ILDR2: variants seen among roughly 807,000 people sequenced by gnomAD.
ILDR2 encodes the protein immunoglobulin like domain containing receptor 2, also known as immunoglobulin-like domain-containing receptor 2.
A neutral mutation model predicts 66.8 loss-of-function variants in ILDR2; 25 were observed. The observed-to-expected ratio is 0.37, with a 90% CI of 0.27 to 0.52. The LOEUF (loss-of-function observed/expected upper bound fraction) is 0.52, where lower values mean the gene tolerates loss of function less well. Ranked by LOEUF, ILDR2 falls within the 20% of genes least tolerant of loss-of-function variation. ILDR2 has a pLI of 0.88. For missense variants in ILDR2, 827 were observed against 876.8 expected (o/e 0.94, Z 0.72); for synonymous variants, 367 against 357.2 (o/e 1.03, Z -0.31).
rs1231464826 is a variant in ILDR2, at chr1:166,911,743, T to C, written c.*7612A>G. On this transcript the variant is annotated 3_prime_UTR_variant, in exon 10 of 10. Transcript: ENST00000271417. ...TAAACTCCTAGAAATGAAATACATATTAATTAAAATTAAAACTCAAATAAA... is the reference window on the plus strand; with the variant it reads ...TAAACTCCTAGAAATGAAATACATACTAATTAAAATTAAAACTCAAATAAA... 1 of 151,004 alleles carries C rather than the reference T, an allele frequency of 6.6e-6. No individual in the cohort carries two copies. The highest frequency in any genetic ancestry group is 1.5e-5 in the Non-Finnish European group (1 of 67,832). 9.4% of individuals were successfully genotyped at this position (151,004 alleles called of 1,614,324 possible). A position where few individuals can be genotyped will look rare whatever the true frequency, so the allele number is the denominator to read the frequency against.
intron 9 of ILDR2, 136 bp from the exon 10 acceptor site, chr1:166,919,526 G>A: frequency 1.5e-6 from 1 of 689,060 alleles, no homozygotes; most frequent in South Asian, 2.1e-5. Flanking sequence ...CCTTTCATTA[G>A]ACCTGTGATG....
Position 166,975,144 on chromosome 1 carries a change from G to T in ILDR2, c.46+79C>A, listed in dbSNP as rs752366495. 80 of 1,243,106 alleles carry T rather than the reference G, an allele frequency of 6.4e-5. No individual in the cohort carries two copies. In the East Asian group the frequency reaches 6.9e-4, roughly 11 times the overall value. The allele number at this position is 1,243,106 out of a possible 1,614,324, so 77.0% of individuals were successfully genotyped here. On this transcript the variant is annotated intron_variant, in intron 1 of 9. Transcript: ENST00000271417. ...ACATGGTCAGTAAGGAGGAAAATGG[G>T]GGGGCGGGGGGCGCGGTGAGAACAG...
intron 7 of ILDR2, among the ~76,000 whole-genome samples, chr1:166,924,941 AG>A (rs1660186570): frequency 6.6e-6 from 1 of 152,128 alleles, no homozygotes; most frequent in Non-Finnish European, 1.5e-5. Flanking sequence ...CCTTGAGCCC[AG>A]GAAGTCGAGG....
rs552278673 is a variant in ILDR2, at chr1:166,922,803, T to G, written c.1001A>C (p.Asn334Thr). The change falls in exon 8 of 10, where the codon AAC becomes ACC. Residue 334 changes from asparagine to threonine, a missense_variant. Physicochemically the swap from Asn to Thr is moderately conservative, Grantham distance 65. Coordinates refer to ENST00000271417, the MANE Select transcript of ILDR2 (RefSeq NM_199351.3). Reference protein sequence around the residue: ...PARRMRGRYNNTISELSSLHE... With the variant: ...PARRMRGRYNTTISELSSLHE... The stretch of plus-strand genomic sequence containing the variant: ...TAGGGAGCTGAGTTCTGAGATGGTG[T>G]TGTTATCTGCAGGGACAAAATCAGG... The G allele has an allele frequency of 1.5e-5, 24 of 1,613,798 alleles. No homozygotes were observed. Among genetic ancestry groups the G allele is most frequent in the Middle Eastern group, 1.6e-4 (1 of 6,084 alleles).
At chr1:166,955,857 C>T (rs1662249315) in intron 3 of ILDR2, among the ~76,000 whole-genome samples, 1 of 152,162 alleles carries the variant, frequency 6.6e-6, no homozygotes, top group Non-Finnish European at 1.5e-5. Context: ...ATTGCTATCA[C>T]CTGGTTTCTT....
rs1014238320 is a variant in ILDR2 at position 166,920,897 on chromosome 1, T to C, written c.1694A>G (p.Tyr565Cys). Residue 565 changes from tyrosine to cysteine, a missense_variant, in exon 9 of 10, where the codon TAC becomes TGC. By Grantham distance (194) the Tyr-to-Cys change is radical. Coordinates refer to ENST00000271417, the MANE Select transcript of ILDR2 (RefSeq NM_199351.3). ...GGTGCCGGGCGGCGACCAAGCGTAG[T>C]AGGAGGCGCTGCGCGGGCCGAGCTG... Reference protein sequence around the residue: ...SAQLGPRSASYYAWSPPGTYK... With the variant: ...SAQLGPRSASCYAWSPPGTYK... 2.0e-6 allele frequency: 3 copies of C among 1,482,106 alleles called. No individual in the cohort carries two copies. The highest frequency in any genetic ancestry group is 2.6e-5 in the South Asian group (2 of 78,200). The allele number at this position is 1,482,106 out of a possible 1,614,324, so 91.8% of individuals were successfully genotyped here.
At chr1:166,934,531 A>G (rs995848220) in intron 6 of ILDR2, among the ~76,000 whole-genome samples, 11 of 152,038 alleles carry the variant, frequency 7.2e-5, no homozygotes, top group South Asian at 2.1e-4. Flanking sequence ...TCCCTTTGTC[A>G]TGGTGCCACC....
At position 166,936,551 on chromosome 1, in the gene ILDR2, C is replaced by A. The variant is rs1345343857; in HGVS notation, c.703+40G>T. ...CTGTCAGGTAGAGAGGTAGACATTTCTCTCGATCGCTCTGTCTCCCCAGCG... is the reference window on the plus strand; with the variant it reads ...CTGTCAGGTAGAGAGGTAGACATTTATCTCGATCGCTCTGTCTCCCCAGCG... On this transcript the variant is annotated intron_variant, in intron 5 of 9. Coordinates refer to ENST00000271417, the MANE Select transcript of ILDR2 (RefSeq NM_199351.3). This position sits in a 1 kb window ranked among gnomAD's most constrained non-coding sequence, Gnocchi z 5.0. 1 of 1,613,544 alleles carries A rather than the reference C, an allele frequency of 6.2e-7. No homozygotes were observed. Among genetic ancestry groups the A allele is most frequent in the Admixed American group, 1.7e-5 (1 of 59,980 alleles).
At chr1:166,935,513 C>T (rs939751307) in intron 5 of ILDR2, 36 bp from the exon 6 acceptor site, 12 of 1,514,914 alleles carry the variant, frequency 7.9e-6, no homozygotes, top group African/African-American at 7.0e-5. Flanking sequence ...GAGATTACGT[C>T]GTCCCACCCT....
intron 1 of ILDR2, among the ~76,000 whole-genome samples, chr1:166,959,709 C>T (rs1046606180): frequency 2.0e-5 from 3 of 152,092 alleles, no homozygotes; most frequent in East Asian, 3.9e-4. Flanking sequence ...AAAGGTCCCA[C>T]ATGAACTCAA....
At position 166,916,993 on chromosome 1, in the gene ILDR2, T is replaced by A. The variant is rs1382676047; in HGVS notation, c.*2362A>T. 6.6e-6 allele frequency: 1 copy of A among 152,260 alleles called. No individual in the cohort carries two copies. Among genetic ancestry groups the A allele is most frequent in the African/African-American group, 2.4e-5 (1 of 41,472 alleles). 9.4% of individuals were successfully genotyped at this position (152,260 alleles called of 1,614,324 possible). On this transcript the variant is annotated 3_prime_UTR_variant, in exon 10 of 10. Transcript: ENST00000271417. ...ATAAAGCGATAATAGCTACCACAGC[T>A]ACCCAATATTCTCCAAAATTGCCTG...
In ILDR2 at chr1:166,921,886, TC is replaced by T. The variant is rs1659968730; in HGVS notation, c.1212-508del. ...TGTAAGGGAAAGGCAATGTTCACTGTCTTTTAAGGTAAAGGACAGATGAGTG... is the reference window on the plus strand; with the variant it reads ...TGTAAGGGAAAGGCAATGTTCACTGTTTTTAAGGTAAAGGACAGATGAGTG... On this transcript the variant is annotated intron_variant, in intron 8 of 9. Transcript: ENST00000271417. The surrounding 1 kb of genome is among the most constrained non-coding windows in gnomAD (Gnocchi z 5.3). 6.6e-6 allele frequency among the ~76,000 whole-genome samples: 1 copy of T among 152,160 alleles called. No homozygotes were observed. Among genetic ancestry groups the T allele is most frequent in the Admixed American group, 6.5e-5 (1 of 15,280 alleles).
At chr1:166,920,581 G>T in intron 9 of ILDR2, 126 bp downstream of exon 9, 1 of 1,102,746 alleles carries the variant, frequency 9.1e-7, no homozygotes, top group Non-Finnish European at 1.2e-6. Context: ...GCAGGCCCCT[G>T]CGGCCTCTCC....
At chr1:166,934,425 C>T (rs908100672) in intron 6 of ILDR2, among the ~76,000 whole-genome samples, 3 of 152,208 alleles carry the variant, frequency 2.0e-5, no homozygotes, top group Non-Finnish European at 2.9e-5. Context: ...ATTTCACTCC[C>T]ATTGTCTCCA....
chr1:166,920,694 G>GAC lies in ILDR2; in HGVS notation c.1884+11_1884+12dup. The GAC allele has an allele frequency of 1.4e-6, 2 of 1,380,492 alleles. No individual in the cohort carries two copies. The highest frequency in any genetic ancestry group is 3.6e-5 in the South Asian group (2 of 55,206). 85.5% of individuals were successfully genotyped at this position (1,380,492 alleles called of 1,614,324 possible). ...CAGTCCCCTCGGAGGAGGGGAGGCA[G>GAC]ACGCAGTCTCACGGTTTTCTTGGCG... On this transcript the variant is annotated intron_variant, in intron 9 of 9. Coordinates refer to ENST00000271417, the MANE Select transcript of ILDR2 (RefSeq NM_199351.3).
At chr1:166,929,897 AT>A (rs937328916) in intron 6 of ILDR2, among the ~76,000 whole-genome samples, 11 of 152,090 alleles carry the variant, frequency 7.2e-5, no homozygotes, top group African/African-American at 1.9e-4. Context: ...ATTATTATTA[AT>A]TTTTTTAAGG....
chr1:166,956,108 T>C (rs1377103902), intron 3 of ILDR2, among the ~76,000 whole-genome samples: 1 of 152,238 alleles, frequency 6.6e-6, no homozygotes, highest in Non-Finnish European at 1.5e-5. Context: ...TGAGTTTTCA[T>C]TTATGAGGAG....
At chr1:166,971,947 C>G (rs940441865) in intron 1 of ILDR2, among the ~76,000 whole-genome samples, 22 of 152,228 alleles carry the variant, frequency 1.4e-4, no homozygotes, top group Middle Eastern at 3.4e-3. Context: ...CATGGTGGCT[C>G]ACATCTGTAA....
chr1:166,921,059 G>A lies in ILDR2; in HGVS notation c.1532C>T (p.Pro511Leu), dbSNP rs759780016. Residue 511 changes from proline to leucine, a missense_variant, in exon 9 of 10, where the codon CCG becomes CTG. Pro to Leu is a moderately conservative substitution (Grantham distance 98). Around this residue, in one of 2 missense-constraint regions of ILDR2, gnomAD observed 390 missense variants for 353.6 expected, o/e 1.10. Coordinates refer to ENST00000271417, the MANE Select transcript of ILDR2 (RefSeq NM_199351.3). This position sits in a 1 kb window ranked among gnomAD's most constrained non-coding sequence, Gnocchi z 5.3. ...RRRPAEDAHL[P>L]RLVSRTPGTA... ...GCCTGGCGTGCGGCTCACCAGCCGC[G>A]GCAGGTGCGCGTCCTCGGCGGGTCT... 11 of 1,493,500 alleles carry A rather than the reference G, an allele frequency of 7.4e-6. No individual in the cohort carries two copies. The highest frequency in any genetic ancestry group is 9.7e-6 in the Non-Finnish European group (11 of 1,131,902). The allele number at this position is 1,493,500 out of a possible 1,614,324, so 92.5% of individuals were successfully genotyped here. A position where few individuals can be genotyped will look rare whatever the true frequency, so the allele number is the denominator to read the frequency against.
Sources: gnomAD v4.1 joint callset for allele counts (sites outside exome capture counted in the v4.1 genomes callset) on GRCh38, gnomAD v4.1.1 for gene constraint, gnomAD v4.1.1 regional missense constraint, Gnocchi (gnomAD v3.1) non-coding constraint, MANE v1.5 for transcripts, NCBI Gene and HGNC (gene_info 2026-07-23, HGNC 2026-07-21) for gene names.